The following SLC12A1 variants were observed in gnomAD, a reference collection of about 807,000 sequenced individuals.
The protein encoded by SLC12A1 is Na-K-2Cl cotransporter.
Under a neutral mutation model 130.4 loss-of-function variants are expected in SLC12A1, and 89 were observed. The observed-to-expected ratio is 0.68, with a 90% CI of 0.58 to 0.81. The LOEUF (loss-of-function observed/expected upper bound fraction) is 0.81, where lower values mean the gene tolerates loss of function less well. Among genes scored for constraint, SLC12A1 ranks in the 40% least tolerant of loss-of-function variants. SLC12A1 has a pLI of 0.00. For missense variants in SLC12A1, 1,310 were observed against 1,336.4 expected, an observed-to-expected ratio of 0.98 and a Z score of 0.31; for synonymous variants, 499 against 460.0, an observed-to-expected ratio of 1.08 and a Z score of -1.09.
intron 5 of SLC12A1, 89 bp from the exon 6 acceptor site, chr15:48,229,100 A>G: frequency 2.2e-6 from 3 of 1,350,264 alleles, no homozygotes; most frequent in Non-Finnish European, 3.0e-6. Flanking sequence ...GAAATAATTC[A>G]CACTGTAAAT....
chr15:48,219,124 T>C (rs1205254576), intron 2 of SLC12A1, among the ~76,000 whole-genome samples: 1 of 152,212 alleles, frequency 6.6e-6, no homozygotes, highest in Non-Finnish European at 1.5e-5. Flanking sequence ...TACTAGCATA[T>C]TCAACAATTC....
At chr15:48,262,622 C>T (rs543209878) in intron 17 of SLC12A1, among the ~76,000 whole-genome samples, 70 of 152,178 alleles carry the variant, frequency 4.6e-4, no homozygotes, top group African/African-American at 1.6e-3. Flanking sequence ...AATTTGGGGA[C>T]CCATTCTAAA....
intron 24 of SLC12A1, among the ~76,000 whole-genome samples, chr15:48,294,797 T>C (rs72623972): frequency 0.24 from 36,105 of 151,958 alleles, 4,964 homozygotes; most frequent in East Asian, 0.41. Context: ...TAGGGCCATT[T>C]TCTGTTGTCT....
At chr15:48,272,252 T>A (rs2041905979) in intron 19 of SLC12A1, among the ~76,000 whole-genome samples, 1 of 152,228 alleles carries the variant, frequency 6.6e-6, no homozygotes, top group Non-Finnish European at 1.5e-5. Context: ...ATAATGACAA[T>A]CATGTATCCA....
At chr15:48,290,743 A>G (rs79248450) in intron 23 of SLC12A1, among the ~76,000 whole-genome samples, 2,817 of 152,198 alleles carry the variant, frequency 0.019, 100 homozygotes, top group African/African-American at 0.065. Flanking sequence ...TGTCTTTTCA[A>G]TCAAAGCAAT....
At chr15:48,252,376 G>C (rs1450061521) in intron 15 of SLC12A1, among the ~76,000 whole-genome samples, 1 of 152,160 alleles carries the variant, frequency 6.6e-6, no homozygotes, top group Admixed American at 6.5e-5. Flanking sequence ...TGATGGAGCT[G>C]ACCATATAAC....
At chr15:48,268,403 G>A (rs570342212) in intron 18 of SLC12A1, among the ~76,000 whole-genome samples, 1 of 152,220 alleles carries the variant, frequency 6.6e-6, no homozygotes, top group East Asian at 1.9e-4. Flanking sequence ...CGAGCATTTT[G>A]GGTTTAATAT....
chr15:48,287,485 T>G (rs1274239356), intron 21 of SLC12A1, among the ~76,000 whole-genome samples: 1 of 152,084 alleles, frequency 6.6e-6, no homozygotes, highest in Non-Finnish European at 1.5e-5. Flanking sequence ...GACTAAATAG[T>G]CATAGAGTTC....
At chr15:48,285,021 A>G in intron 20 of SLC12A1, 85 bp from the exon 21 acceptor site, 1 of 1,043,478 alleles carries the variant, frequency 9.6e-7, no homozygotes, top group Non-Finnish European at 1.4e-6. Flanking sequence ...CATACATACC[A>G]TTTTAAATAT....
intron 13 of SLC12A1, among the ~76,000 whole-genome samples, chr15:48,248,496 T>C (rs1183703914): frequency 6.6e-6 from 1 of 152,214 alleles, no homozygotes; most frequent in Non-Finnish European, 1.5e-5. Flanking sequence ...TCAGAACAAG[T>C]GCATTGGCTC....
At chr15:48,250,064 G>C (rs1292295027) in intron 14 of SLC12A1, among the ~76,000 whole-genome samples, 2 of 152,194 alleles carry the variant, frequency 1.3e-5, no homozygotes, top group Non-Finnish European at 2.9e-5. Context: ...TGGTGCAGAA[G>C]AGAAGGATGA....
At chr15:48,266,460 C>A (rs1422149587) in intron 17 of SLC12A1, among the ~76,000 whole-genome samples, 2 of 85,944 alleles carry the variant, frequency 2.3e-5, no homozygotes, top group East Asian at 5.5e-4. Context: ...TTTTTTTTTT[C>A]ATGCATCCCA....
intron 1 of SLC12A1, 87 bp from the exon 2 acceptor site, chr15:48,207,446 TA>T: frequency 4.2e-6 from 1 of 240,516 alleles, no homozygotes; most frequent in Non-Finnish European, 7.9e-6. Context: ...GTATGTCTTG[TA>T]AAATAAAACT....
At chr15:48,259,959 C>T (rs917772425) in intron 17 of SLC12A1, among the ~76,000 whole-genome samples, 28 of 152,082 alleles carry the variant, frequency 1.8e-4, no homozygotes, top group Non-Finnish European at 3.7e-4. Flanking sequence ...GTGGAGAAAG[C>T]ATTAAAATAA....
Position 48,288,099 on chromosome 15 carries a change from G to C in SLC12A1, c.2686G>C (p.Val896Leu). Residue 896 changes from valine (V) to leucine (L), a missense_variant, in exon 22 of 27, where the codon GTG (valine) becomes CTG (leucine). Coordinates refer to ENST00000380993, the MANE Select transcript of SLC12A1 (RefSeq NM_000338.3). ...TGTGGGAGAGTTCAACCAGAAACTG[G>C]TGGAAGCCAGCACTCAATTTAAAAA... ...MHVGEFNQKL[V>L]EASTQFKKKQ... The C allele has an allele frequency of 6.2e-7, 1 of 1,611,092 alleles. No homozygotes were observed. Among genetic ancestry groups the C allele is most frequent in the Admixed American group, 1.7e-5 (1 of 59,560 alleles).
At chr15:48,247,214 G>A (rs1403364803) in intron 12 of SLC12A1, 123 bp from the exon 13 acceptor site, 1 of 1,043,282 alleles carries the variant, frequency 9.6e-7, no homozygotes, top group Non-Finnish European at 1.4e-6. Flanking sequence ...AAACTGCAGT[G>A]TTAACTTGTG....
intron 14 of SLC12A1, 98 bp downstream of exon 14, chr15:48,249,774 A>C: frequency 1.1e-6 from 1 of 874,020 alleles, no homozygotes; most frequent in Non-Finnish European, 1.9e-6. Context: ...CTGTGTTTAT[A>C]TGTTTCCTTA....
At chr15:48,293,898 C>T (rs2042146054) in intron 24 of SLC12A1, among the ~76,000 whole-genome samples, 1 of 151,906 alleles carries the variant, frequency 6.6e-6, no homozygotes. Flanking sequence ...ATTTGCCAGG[C>T]TTCGTGGTGT....
chr15:48,297,800 G>A (rs2042193677), intron 24 of SLC12A1, among the ~76,000 whole-genome samples: 1 of 152,106 alleles, frequency 6.6e-6, no homozygotes, highest in Non-Finnish European at 1.5e-5. Flanking sequence ...GAATATCCAG[G>A]TCAAGGAGGA....
Sources: allele counts gnomAD v4.1 joint callset (sites outside exome capture counted in the v4.1 genomes callset), GRCh38; gene constraint gnomAD v4.1.1; transcripts MANE v1.5; gene names NCBI Gene and HGNC (gene_info 2026-07-23, HGNC 2026-07-21).